CRPPA: variants seen among roughly 807,000 people sequenced by gnomAD.
The protein encoded by CRPPA is D-ribitol-5-phosphate cytidylyltransferase.
A neutral mutation model predicts 52.0 loss-of-function variants in CRPPA; 43 were observed. The ratio of observed to expected loss-of-function variants is 0.83; its 90% confidence interval spans 0.65 to 1.07. The LOEUF (loss-of-function observed/expected upper bound fraction) is 1.07, where lower values mean the gene tolerates loss of function less well. CRPPA is among the 50% of genes least tolerant of loss of function. The pLI, the probability that CRPPA is intolerant of heterozygous loss-of-function variation, is 0.00. For synonymous variants in CRPPA, 250 were observed against 203.5 expected, an observed-to-expected ratio of 1.23 and a Z score of -1.94; for missense variants, 629 against 551.7, an observed-to-expected ratio of 1.14 and a Z score of -1.40.
At chr7:16,212,371 T>A (rs549080490) in intron 9 of CRPPA, among the ~76,000 whole-genome samples, 206 of 152,294 alleles carry the variant, frequency 1.4e-3, no homozygotes, top group South Asian at 3.5e-3. Context: ...GAGAAAATGA[T>A]GGGCTAAAAC....
chr7:16,171,402 C>G (rs1781183289), intron 9 of CRPPA, among the ~76,000 whole-genome samples: 1 of 152,044 alleles, frequency 6.6e-6, no homozygotes, highest in Non-Finnish European at 1.5e-5. Context: ...TTTTTAAACT[C>G]AAAATTTTTC....
chr7:16,219,299 A>G (rs1782431705), intron 8 of CRPPA, among the ~76,000 whole-genome samples: 1 of 148,874 alleles, frequency 6.7e-6, no homozygotes, highest in Admixed American at 6.8e-5. Context: ...AGCAGTGTGT[A>G]GAGGGAAATT....
intron 9 of CRPPA, among the ~76,000 whole-genome samples, chr7:16,208,426 T>C (rs1458871679): frequency 2.6e-5 from 4 of 152,168 alleles, no homozygotes; most frequent in Non-Finnish European, 5.9e-5. Flanking sequence ...GGAAAAACAA[T>C]ACATTAGGTA....
chr7:16,245,395 T>G (rs1783241614), intron 8 of CRPPA, among the ~76,000 whole-genome samples: 1 of 152,226 alleles, frequency 6.6e-6, no homozygotes, highest in African/African-American at 2.4e-5. Context: ...AAACTGAAAT[T>G]GCTTTCTGGC....
chr7:16,199,696 A>T (rs1781806825), intron 9 of CRPPA, among the ~76,000 whole-genome samples: 1 of 152,036 alleles, frequency 6.6e-6, no homozygotes. Context: ...ATTTTCTCTC[A>T]CTTGAAGTAT....
intron 8 of CRPPA, among the ~76,000 whole-genome samples, chr7:16,233,789 C>T (rs1782869672): frequency 6.6e-6 from 1 of 152,100 alleles, no homozygotes; most frequent in Non-Finnish European, 1.5e-5. Context: ...TTTGGCTTTG[C>T]AACAATAAAT....
intron 9 of CRPPA, among the ~76,000 whole-genome samples, chr7:16,155,918 A>T: frequency 6.6e-6 from 1 of 152,120 alleles, no homozygotes; most frequent in Non-Finnish European, 1.5e-5. Flanking sequence ...CCTTAATCTC[A>T]GTTTGGGAAG....
chr7:16,172,553 G>T (rs1042660811), intron 9 of CRPPA, among the ~76,000 whole-genome samples: 2 of 152,178 alleles, frequency 1.3e-5, no homozygotes, highest in East Asian at 1.9e-4. Context: ...GCCAGTATTG[G>T]AGTACTGAAT....
chr7:16,153,021 T>TA (rs1191370230), intron 9 of CRPPA, among the ~76,000 whole-genome samples: 2 of 152,030 alleles, frequency 1.3e-5, no homozygotes, highest in Non-Finnish European at 2.9e-5. Context: ...CCTTAATTGA[T>TA]AAAAAATGAA....
At chr7:16,342,971 T>C (rs1302541763) in intron 3 of CRPPA, among the ~76,000 whole-genome samples, 1 of 145,584 alleles carries the variant, frequency 6.9e-6, no homozygotes, top group Non-Finnish European at 1.5e-5. Context: ...GCCTGGGAGG[T>C]AGAAGTTGCA....
chr7:16,141,948 G>C (rs1782880686), intron 9 of CRPPA, among the ~76,000 whole-genome samples: 5 of 152,120 alleles, frequency 3.3e-5, no homozygotes. Flanking sequence ...CCTCATGGCT[G>C]AATTTCAGCC....
intron 3 of CRPPA, among the ~76,000 whole-genome samples, chr7:16,349,965 T>C (rs540003411): frequency 1.4e-4 from 21 of 152,138 alleles, no homozygotes; most frequent in African/African-American, 4.6e-4. Context: ...CAGAATCAGA[T>C]GGCCAAAAGT....
intron 1 of CRPPA, among the ~76,000 whole-genome samples, chr7:16,416,056 G>A (rs1788184217): frequency 1.3e-5 from 2 of 152,156 alleles, no homozygotes; most frequent in Admixed American, 1.3e-4. Flanking sequence ...CCCTCTATTA[G>A]TGAGATAGCA....
At chr7:16,258,886 C>A in intron 7 of CRPPA, 34 bp downstream of exon 7, 1 of 1,372,292 alleles carries the variant, frequency 7.3e-7, no homozygotes, top group South Asian at 1.2e-5. Context: ...TTGTTCATAT[C>A]CTTAAGTGCC....
At chr7:16,207,465 C>G (rs542205282) in intron 9 of CRPPA, among the ~76,000 whole-genome samples, 1 of 152,172 alleles carries the variant, frequency 6.6e-6, no homozygotes, top group African/African-American at 2.4e-5. Context: ...TTCCGTTAAA[C>G]ACTGCAATTT....
At chr7:16,392,748 AT>A (rs1787477461) in intron 2 of CRPPA, among the ~76,000 whole-genome samples, 1 of 152,002 alleles carries the variant, frequency 6.6e-6, no homozygotes, top group African/African-American at 2.4e-5. Flanking sequence ...ATATTCACTC[AT>A]TTTTATGACT....
chr7:16,420,861 G>C (rs184564622), intron 1 of CRPPA, among the ~76,000 whole-genome samples: 164 of 152,188 alleles, frequency 1.1e-3, no homozygotes, highest in African/African-American at 3.4e-3. Flanking sequence ...AGGGCTCTGT[G>C]GGGGAGCTGC....
intron 2 of CRPPA, among the ~76,000 whole-genome samples, chr7:16,399,437 G>C (rs1017200915): frequency 6.6e-5 from 10 of 151,756 alleles, no homozygotes; most frequent in African/African-American, 2.4e-4. Context: ...GACAAGATTG[G>C]CACATGTCCA....
chr7:16,418,728 A>G (rs531167382), intron 1 of CRPPA, among the ~76,000 whole-genome samples: 8 of 152,298 alleles, frequency 5.3e-5, no homozygotes, highest in African/African-American at 1.7e-4. Flanking sequence ...TCTCTGTCCC[A>G]TGATTCAATT....
Sources: gnomAD v4.1 joint callset for allele counts (sites outside exome capture counted in the v4.1 genomes callset) on GRCh38, gnomAD v4.1.1 for gene constraint, MANE v1.5 for transcripts, NCBI Gene and HGNC (gene_info 2026-07-23, HGNC 2026-07-21) for gene names.